MCM7: variants seen among roughly 807,000 people sequenced by gnomAD.
The protein encoded by MCM7 is minichromosome maintenance complex component 7.
MCM7 carries 95 observed loss-of-function variants against 83.5 expected under a neutral mutation model. The ratio of observed to expected loss-of-function variants is 1.14; its 90% CI spans 0.96 to 1.35. The LOEUF (loss-of-function observed/expected upper bound fraction) is 1.35. Ranked by LOEUF, MCM7 falls within the 40% of genes most tolerant of loss-of-function variation. MCM7 has a pLI of 0.00. For synonymous variants in MCM7, 461 were observed against 352.7 expected, an observed-to-expected ratio of 1.31 and a Z score of -3.44; for missense variants, 1,087 against 957.4, an observed-to-expected ratio of 1.14 and a Z score of -1.79.
rs1313382359 is a variant in MCM7 at position 100,098,632 on chromosome 7, C to CA, written c.665dup (p.Gln223AlafsTer19). The CA allele has an allele frequency of 6.2e-7, 1 of 1,614,174 alleles. No homozygotes were observed. The highest frequency in any genetic ancestry group is 8.5e-7 in the Non-Finnish European group (1 of 1,180,038). On this transcript the variant is annotated frameshift_variant, in exon 6 of 15. Transcript: ENST00000303887. LOFTEE classifies it high-confidence loss of function. ...TGATGAATCTGGAGCCCCGTGTCTG[C>CA]AGATACAGCCGCCCTCCTGAGCGGT... is the stretch of plus-strand genomic sequence containing the variant.
chr7:100,100,737 G>A (rs1333790586), intron 1 of MCM7: 5 of 989,230 alleles, frequency 5.1e-6, no homozygotes, highest in Non-Finnish European at 6.0e-6. Context: ...CCGCGCGGAA[G>A]GACACTGTTT....
chr7:100,098,885 A>G (rs1795783427), intron 5 of MCM7, 138 bp downstream of exon 5: 3 of 1,353,664 alleles, frequency 2.2e-6, no homozygotes, highest in Non-Finnish European at 3.0e-6. Context: ...TAGAAAGACC[A>G]CTACATACCC....
In MCM7 at chr7:100,098,327, G is replaced by A. The variant is rs375133007; in HGVS notation, c.721-37C>T. The A allele has an allele frequency of 1.1e-4, 178 of 1,608,470 alleles. 1 individual carries two copies. The African/African-American group carries it at 1.9e-3, about 18-fold the overall frequency. ...AAAGGCACATAAGACTAGGAGAAAT[G>A]GACAAGGACCCAACCTTCCCTCCCT... On this transcript the variant is annotated intron_variant, in intron 6 of 14. Coordinates refer to ENST00000303887, the MANE Select transcript of MCM7 (RefSeq NM_005916.5).
At chr7:100,095,345 G>A (rs1443192599) in intron 12 of MCM7, 42 bp downstream of exon 12, 17 of 1,565,394 alleles carry the variant, frequency 1.1e-5, no homozygotes, top group Admixed American at 1.8e-5. Flanking sequence ...AGGCTCGCAC[G>A]GCCCACGCCA....
intron 1 of MCM7, chr7:100,100,587 C>T: frequency 1.0e-6 from 1 of 990,780 alleles, no homozygotes; most frequent in Non-Finnish European, 1.2e-6. Context: ...GATTCCTCCG[C>T]CCAGGGCGGG....
Position 100,097,316 on chromosome 7 carries a change from G to A in MCM7, c.1186C>T (p.Arg396Ter), listed in dbSNP as rs770821365. ...AACTACTTACTGCGAGGCGCCAGTC[G>A]ATCAATGTATGACAGGAGCTGAGAC... Reference protein sequence around the residue: ...AKSQLLSYIDRLAPRSQYTTG... With the variant: ...AKSQLLSYID The change falls in exon 10 of 15, where the codon CGA becomes TGA. Residue 396 changes from arginine (R) to a stop codon, truncating the protein, a stop_gained. Coordinates refer to ENST00000303887, the MANE Select transcript of MCM7 (RefSeq NM_005916.5). LOFTEE classifies it high-confidence loss of function. 9.9e-6 allele frequency: 16 copies of A among 1,613,950 alleles called. No homozygotes were observed. The highest frequency in any genetic ancestry group is 1.7e-5 in the Admixed American group (1 of 59,980).
At chr7:100,095,315 C>CTT in intron 12 of MCM7, 72 bp downstream of exon 12, 1 of 1,338,276 alleles carries the variant, frequency 7.5e-7, no homozygotes, top group Middle Eastern at 2.4e-4. Flanking sequence ...CACCCTAAGA[C>CTT]TAATAAGCAC....
intron 12 of MCM7, among the ~76,000 whole-genome samples, chr7:100,095,043 GT>G (rs1192321795): frequency 8.5e-5 from 13 of 152,188 alleles, no homozygotes; most frequent in African/African-American, 3.1e-4. Context: ...ACCAGGCGTG[GT>G]GGCGTGCGCC....
intron 3 of MCM7, 34 bp downstream of exon 3, chr7:100,099,555 G>A (rs111431178): frequency 1.3e-5 from 21 of 1,608,980 alleles, no homozygotes; most frequent in Admixed American, 8.4e-5. Context: ...TAAACGCCTC[G>A]CCCTTTGTTT....
chr7:100,092,823 G>A lies in MCM7; in HGVS notation c.*109C>T. 8.8e-7 allele frequency: 1 copy of A among 1,137,252 alleles called. No individual in the cohort carries two copies. The highest frequency in any genetic ancestry group is 1.3e-6 in the Non-Finnish European group (1 of 766,190). The allele number at this position is 1,137,252 out of a possible 1,614,324, so 70.4% of individuals were successfully genotyped here. ...TTTATTAGCAAAAGGAGTAAGTGCA[G>A]CATGGGAGAAAGAGGGGCTCCTCCT... is the stretch of plus-strand genomic sequence containing the variant. On this transcript the variant is annotated 3_prime_UTR_variant, in exon 15 of 15. Transcript: ENST00000303887.
chr7:100,094,432 A>G, intron 12 of MCM7, 91 bp from the exon 13 acceptor site: 10 of 1,435,318 alleles, frequency 7.0e-6, no homozygotes, highest in Non-Finnish European at 9.6e-6. Context: ...AGGGCTCCCC[A>G]TTTAACATGG....
rs769411341 is a variant in MCM7, at chr7:100,097,261, C to T, written c.1201+40G>A. 3 of 1,562,614 alleles carry T rather than the reference C, an allele frequency of 1.9e-6. No homozygotes were observed. In the East Asian group the frequency reaches 6.7e-5, roughly 35 times the overall value. On this transcript the variant is annotated intron_variant, in intron 10 of 14. Transcript: ENST00000303887. ...TTTTGAATAAACACTGTGGTCCTGT[C>T]TGTCACTATATTCACCTCCCGCAAA...
chr7:100,093,242 G>A (rs990734279), intron 14 of MCM7, 50 bp downstream of exon 14: 1 of 1,595,298 alleles, frequency 6.3e-7, no homozygotes, highest in South Asian at 1.1e-5. Context: ...TCAGACACAT[G>A]GCCACAGAAG....
intron 1 of MCM7, chr7:100,100,318 G>C (rs1412387223): frequency 2.4e-6 from 3 of 1,246,918 alleles, no homozygotes; most frequent in Non-Finnish European, 3.0e-6. Context: ...CATCTCCCCA[G>C]GGGAATTCCG....
chr7:100,094,189 C>T lies in MCM7; in HGVS notation c.1832G>A (p.Arg611His), dbSNP rs776231972. Residue 611 changes from arginine to histidine, a missense_variant, in exon 13 of 15, where the codon CGC becomes CAC. Coordinates refer to ENST00000303887, the MANE Select transcript of MCM7 (RefSeq NM_005916.5). ...GGCACTTACCAGAGCAGTGGAAAGG[C>T]GCAGGATAGCCAGCAGGGTCCGGGC... ...TSARTLLAIL[R>H]LSTALARLRM... The T allele has an allele frequency of 2.0e-5, 32 of 1,614,054 alleles. No individual in the cohort carries two copies. The highest frequency in any genetic ancestry group is 6.7e-5 in the African/African-American group (5 of 74,906).
chr7:100,098,854 A>G (rs1795782201), intron 5 of MCM7, 139 bp from the exon 6 acceptor site: 13 of 1,373,518 alleles, frequency 9.5e-6, no homozygotes, highest in Non-Finnish European at 1.2e-5. Context: ...CTGGGTCAAC[A>G]ACAAACACCC....
Position 100,095,857 on chromosome 7 carries a change from GT to G in MCM7, c.1511del (p.Asn504ThrfsTer17), listed in dbSNP as rs1388122661. Reference protein sequence around the residue: ...RYNPRRSLEQNIQLPAALLSR... With the variant: ...RYNPRRSLEQXIQLPAALLSR... ...AGAGCAGTGCAGCAGGTAGCTGTAT[GT>G]TCTGCTCCAGGCTGCGGCGAGGGTT... On this transcript the variant is annotated frameshift_variant, in exon 11 of 15. Transcript: ENST00000303887. LOFTEE classifies it high-confidence loss of function. The G allele has an allele frequency of 6.2e-7, 1 of 1,613,070 alleles. No individual in the cohort carries two copies. Among genetic ancestry groups the G allele is most frequent in the Admixed American group, 1.7e-5 (1 of 60,022 alleles).
chr7:100,100,679 T>A (rs1025926210), intron 1 of MCM7: 1 of 989,434 alleles, frequency 1.0e-6, no homozygotes, highest in Admixed American at 6.1e-5. Flanking sequence ...CGAGCGAAGC[T>A]CCGGATCCCA....
chr7:100,093,217 G>A, intron 14 of MCM7, 75 bp downstream of exon 14: 3 of 1,592,616 alleles, frequency 1.9e-6, no homozygotes, highest in Non-Finnish European at 2.6e-6. Flanking sequence ...GCCAGTGTTA[G>A]AATTGAGGCC....
Sources: gnomAD v4.1 joint callset for allele counts (sites outside exome capture counted in the v4.1 genomes callset) on GRCh38, gnomAD v4.1.1 for gene constraint, MANE v1.5 for transcripts, NCBI Gene and HGNC (gene_info 2026-07-23, HGNC 2026-07-21) for gene names.